The following CNTNAP3 variants were observed in gnomAD, a reference collection of about 807,000 sequenced individuals.
The protein encoded by CNTNAP3 is contactin associated protein family member 3, also known as contactin-associated protein-like 3.
CNTNAP3 carries 36 observed loss-of-function variants against 92.1 expected under a neutral mutation model. That is an observed-to-expected ratio of 0.39 (90% CI 0.30 to 0.52). The LOEUF is 0.52. Among genes scored for constraint, CNTNAP3 ranks in the 20% least tolerant of loss-of-function variants. The pLI is 0.76. For missense variants in CNTNAP3, 534 were observed against 1,069.6 expected, an observed-to-expected ratio of 0.50 and a Z score of 6.98; for synonymous variants, 232 against 422.3, an observed-to-expected ratio of 0.55 and a Z score of 5.53.
At chr9:39,114,364 C>T (rs963837060) in intron 14 of CNTNAP3, among the ~76,000 whole-genome samples, 5 of 152,092 alleles carry the variant, frequency 3.3e-5, no homozygotes, top group South Asian at 2.1e-4. Flanking sequence ...GGATTACAGG[C>T]GTGAGCCATG....
At position 39,069,831 on chromosome 9, in the gene CNTNAP3, A is replaced by C. The variant is rs1432058651; in HGVS notation, c.*4059T>G. Among the ~76,000 whole-genome samples the C allele has an allele frequency of 4.4e-3, 648 of 148,504 alleles. No individual in the cohort carries two copies. The highest frequency in any genetic ancestry group is 6.8e-3 in the Middle Eastern group (2 of 292). Reference sequence around the variant, plus strand: ...ATTGGGAGTGATGTGAAGGAAGAGAAAAGCGTTGGACTCTATGATATTTAA... The same window carrying C: ...ATTGGGAGTGATGTGAAGGAAGAGACAAGCGTTGGACTCTATGATATTTAA... On this transcript the variant is annotated 3_prime_UTR_variant, in exon 24 of 24. Transcript: ENST00000297668.
At chr9:39,117,961 T>C in intron 14 of CNTNAP3, 142 bp downstream of exon 14, 2 of 1,480,868 alleles carry the variant, frequency 1.4e-6, no homozygotes, top group Non-Finnish European at 1.8e-6. Context: ...TAACTGATCA[T>C]ATTTCATCAA....
intron 23 of CNTNAP3, among the ~76,000 whole-genome samples, chr9:39,077,556 C>T (rs1564066583): frequency 8.7e-6 from 1 of 115,520 alleles, no homozygotes; most frequent in East Asian, 2.5e-4. Flanking sequence ...GACTCTGTCT[C>T]AAAAAACAAA....
intron 20 of CNTNAP3, chr9:39,086,293 T>G (rs191907579): frequency 8.5e-6 from 2 of 235,064 alleles, no homozygotes; most frequent in South Asian, 7.3e-5. Flanking sequence ...TTAATAACTA[T>G]GTTGTGTGCT....
intron 13 of CNTNAP3, among the ~76,000 whole-genome samples, chr9:39,125,308 T>C (rs1224023175): frequency 6.7e-6 from 1 of 149,630 alleles, no homozygotes; most frequent in Admixed American, 6.7e-5. Context: ...AATTGAACAA[T>C]GAGAACACTT....
chr9:39,146,972 G>A lies in CNTNAP3; in HGVS notation c.1650-2626C>T, dbSNP rs533654956. 4.6e-5 allele frequency among the ~76,000 whole-genome samples: 7 copies of A among 152,216 alleles called. No individual in the cohort carries two copies. In the East Asian group the frequency reaches 1.4e-3, roughly 29 times the overall value. The stretch of plus-strand genomic sequence containing the variant: ...CATAATTCCCACCGTGTCATGGGAG[G>A]GAACCTGTGGGAGGTAACTGAATCA... On this transcript the variant is annotated intron_variant, in intron 10 of 23. Transcript: ENST00000297668.
chr9:39,092,583 C>G (rs1465118607), intron 18 of CNTNAP3, among the ~76,000 whole-genome samples: 1 of 137,046 alleles, frequency 7.3e-6, no homozygotes, highest in East Asian at 2.4e-4. Flanking sequence ...TTTAAAAAGA[C>G]CCTTCATATG....
intron 4 of CNTNAP3, among the ~76,000 whole-genome samples, chr9:39,179,286 T>TACAC (rs4057871): frequency 0.15 from 12,505 of 80,744 alleles, 1,372 homozygotes; most frequent in Non-Finnish European, 0.19. Flanking sequence ...TCTCTCTCTC[T>TACAC]ACACACACAC....
intron 15 of CNTNAP3, among the ~76,000 whole-genome samples, chr9:39,104,515 C>CAG (rs1826552598): frequency 6.7e-6 from 1 of 149,508 alleles, no homozygotes. Context: ...CACACACACA[C>CAG]ACACACTGTC....
In CNTNAP3 at chr9:39,225,793, C is replaced by A. The variant is rs1462101391; in HGVS notation, c.390+13200G>T. On this transcript the variant is annotated intron_variant, in intron 3 of 23. Transcript: ENST00000297668. The stretch of plus-strand genomic sequence containing the variant: ...TTGCTCCCTCCCTCCTTCCTTGTTT[C>A]TGCTACTGTTTCCTCTCTCTCTCTA... Among the ~76,000 whole-genome samples, 10 of 47,950 alleles carry A rather than the reference C, an allele frequency of 2.1e-4. 2 individuals are homozygous for A. The highest frequency in any genetic ancestry group is 3.5e-4 in the African/African-American group (10 of 28,344). 31.5% of individuals were successfully genotyped at this position (47,950 alleles called of 152,430 possible).
In CNTNAP3 at chr9:39,179,290, C is replaced by CAT. The variant is rs1304826089; in HGVS notation, c.539-931_539-930insAT. Among the ~76,000 whole-genome samples the CAT allele has an allele frequency of 7.8e-4, 65 of 83,010 alleles. No homozygotes were observed. The Middle Eastern group carries it at 0.02, about 26-fold the overall frequency. 54.5% of individuals were successfully genotyped at this position (83,010 alleles called of 152,430 possible). A position where few individuals can be genotyped will look rare whatever the true frequency, so the allele number is the denominator to read the frequency against. ...CCTTAAAACTCTCTCTCTCTCTACACACACACACACACACACACACACACA... is the reference window on the plus strand; with the variant it reads ...CCTTAAAACTCTCTCTCTCTCTACACATACACACACACACACACACACACACA... On this transcript the variant is annotated intron_variant, in intron 4 of 23. Coordinates refer to ENST00000297668, the MANE Select transcript of CNTNAP3 (RefSeq NM_033655.5).
intron 13 of CNTNAP3, among the ~76,000 whole-genome samples, chr9:39,128,859 A>T (rs1821210373): frequency 6.7e-6 from 1 of 150,162 alleles, no homozygotes; most frequent in African/African-American, 2.5e-5. Context: ...ATATTCTAAC[A>T]AGAAACATGT....
rs550644681 is a variant in CNTNAP3 at position 39,112,622 on chromosome 9, C to G, written c.2238-3335G>C. Among the ~76,000 whole-genome samples, 233 of 152,140 alleles carry G rather than the reference C, an allele frequency of 1.5e-3. 1 individual carries two copies. The highest frequency in any genetic ancestry group is 5.8e-3 in the South Asian group (28 of 4,820). On this transcript the variant is annotated intron_variant, in intron 14 of 23. Transcript: ENST00000297668. ...TTCATGATCCGCCCGCCTTGGCCTCCCAAAGTGCTGGGATAACAGGTGTGA... is the reference window on the plus strand; with the variant it reads ...TTCATGATCCGCCCGCCTTGGCCTCGCAAAGTGCTGGGATAACAGGTGTGA...
At chr9:39,129,653 C>A (rs1159816273) in intron 13 of CNTNAP3, among the ~76,000 whole-genome samples, 1 of 152,078 alleles carries the variant, frequency 6.6e-6, no homozygotes, top group African/African-American at 2.4e-5. Context: ...AAAATTAAAA[C>A]TTTTGCTCTA....
intron 3 of CNTNAP3, among the ~76,000 whole-genome samples, chr9:39,196,165 AT>A (rs934967247): frequency 8.0e-4 from 12 of 14,914 alleles, no homozygotes; most frequent in African/African-American, 1.2e-3. Context: ...AACCTTATCT[AT>A]AACAGTAAAA....
chr9:39,112,397 C>T (rs569410292), intron 14 of CNTNAP3, among the ~76,000 whole-genome samples: 1 of 152,072 alleles, frequency 6.6e-6, no homozygotes, highest in South Asian at 2.1e-4. Context: ...CAGAGTCTCA[C>T]TCTTGTCGCC....
chr9:39,209,574 A>G (rs1382687272), intron 3 of CNTNAP3, among the ~76,000 whole-genome samples: 1 of 26,166 alleles, frequency 3.8e-5, no homozygotes, highest in Non-Finnish European at 7.4e-5. Flanking sequence ...AGATGAAAAC[A>G]TTCAGACTTC....
intron 14 of CNTNAP3, among the ~76,000 whole-genome samples, chr9:39,111,076 T>C (rs940245302): frequency 2.0e-5 from 3 of 152,166 alleles, no homozygotes; most frequent in African/African-American, 7.2e-5. Context: ...GTTGTACATA[T>C]ACTGGGGGCA....
rs1297298389 is a variant in CNTNAP3, at chr9:39,071,429, A to G, written c.*2461T>C. On this transcript the variant is annotated 3_prime_UTR_variant, in exon 24 of 24. Coordinates refer to ENST00000297668, the MANE Select transcript of CNTNAP3 (RefSeq NM_033655.5). Reference sequence around the variant, plus strand: ...TTTACAGAGATAAGCCTTCAATGTCACATGAACCACTCTATTTTTAATATT... The same window carrying G: ...TTTACAGAGATAAGCCTTCAATGTCGCATGAACCACTCTATTTTTAATATT... Among the ~76,000 whole-genome samples the G allele has an allele frequency of 3.3e-5, 5 of 151,996 alleles. No individual in the cohort carries two copies. In the East Asian group the frequency reaches 9.7e-4, roughly 29 times the overall value.
Sources: gnomAD v4.1 joint callset for allele counts (sites outside exome capture counted in the v4.1 genomes callset) on GRCh38, gnomAD v4.1.1 for gene constraint, MANE v1.5 for transcripts, NCBI Gene and HGNC (gene_info 2026-07-23, HGNC 2026-07-21) for gene names.